The following AK9 variants were observed in gnomAD, a reference collection of about 807,000 sequenced individuals.
The protein encoded by AK9 is adenylate kinase domain containing 1.
Under a neutral mutation model 239.6 loss-of-function variants are expected in AK9, and 191 were observed. That is an observed-to-expected ratio of 0.80 (90% CI 0.71 to 0.90). The LOEUF (loss-of-function observed/expected upper bound fraction) is 0.90, where lower values mean the gene tolerates loss of function less well. Ranked by LOEUF, AK9 falls within the 40% of genes least tolerant of loss-of-function variation. The pLI is 0.00. For synonymous variants in AK9, 689 were observed against 721.0 expected (o/e 0.96, Z 0.71); for missense variants, 1,995 against 2,214.7 (o/e 0.90, Z 1.99).
At chr6:109,606,589 C>T (rs1792914661) in intron 17 of AK9, among the ~76,000 whole-genome samples, 1 of 152,130 alleles carries the variant, frequency 6.6e-6, no homozygotes, top group African/African-American at 2.4e-5. Context: ...AGGTTTGACA[C>T]AAAAGGCCCA....
At chr6:109,533,582 C>A in intron 27 of AK9, 112 bp from the exon 28 acceptor site, 1 of 743,414 alleles carries the variant, frequency 1.3e-6, no homozygotes, top group Non-Finnish European at 2.0e-6. Flanking sequence ...ATCATTACAC[C>A]TTGAATATAT....
intron 25 of AK9, 108 bp from the exon 26 acceptor site, chr6:109,546,235 T>C: frequency 9.7e-7 from 1 of 1,029,490 alleles, no homozygotes; most frequent in East Asian, 2.4e-5. Context: ...CTCCCTAAGA[T>C]GGGGTAGGAA....
intron 32 of AK9, among the ~76,000 whole-genome samples, chr6:109,511,370 T>C (rs1215024775): frequency 6.6e-6 from 1 of 152,222 alleles, no homozygotes; most frequent in Non-Finnish European, 1.5e-5. Flanking sequence ...ACTTACAGCC[T>C]ATGAGGAATT....
chr6:109,568,129 C>T (rs1786857309), intron 21 of AK9, among the ~76,000 whole-genome samples: 2 of 152,070 alleles, frequency 1.3e-5, no homozygotes, highest in African/African-American at 4.8e-5. Flanking sequence ...TCAACATACA[C>T]AAATCAATAA....
chr6:109,636,643 A>T (rs1796741926), intron 10 of AK9, among the ~76,000 whole-genome samples: 1 of 150,060 alleles, frequency 6.7e-6, no homozygotes, highest in African/African-American at 2.5e-5. Context: ...AAGTGGAATC[A>T]TATGTTTGCC....
At chr6:109,527,380 A>C (rs1384656896) in intron 29 of AK9, among the ~76,000 whole-genome samples, 1 of 152,184 alleles carries the variant, frequency 6.6e-6, no homozygotes, top group Non-Finnish European at 1.5e-5. Context: ...TGAAAAAGGC[A>C]AGTCACAGAA....
At chr6:109,534,600 A>G (rs1299216497) in intron 27 of AK9, among the ~76,000 whole-genome samples, 1 of 151,070 alleles carries the variant, frequency 6.6e-6, no homozygotes. Context: ...TAATATATAT[A>G]TATATTTTTA....
chr6:109,522,661 A>T (rs1284257294), intron 29 of AK9, among the ~76,000 whole-genome samples: 2 of 152,028 alleles, frequency 1.3e-5, no homozygotes, highest in Non-Finnish European at 2.9e-5. Flanking sequence ...ATATTTAATG[A>T]TGTTTCCTGG....
At chr6:109,607,734 A>C (rs928528932) in intron 17 of AK9, among the ~76,000 whole-genome samples, 1 of 151,600 alleles carries the variant, frequency 6.6e-6, no homozygotes, top group Non-Finnish European at 1.5e-5. Flanking sequence ...TATCTAATAG[A>C]TACAATGCAA....
chr6:109,568,985 CA>C (rs1346787542), intron 21 of AK9, among the ~76,000 whole-genome samples: 1 of 152,068 alleles, frequency 6.6e-6, no homozygotes, highest in African/African-American at 2.4e-5. Context: ...AATCCTAAGC[CA>C]AAAGAACAAA....
At chr6:109,689,900 GCTAA>G (rs1172787147) in intron 1 of AK9, among the ~76,000 whole-genome samples, 1 of 152,144 alleles carries the variant, frequency 6.6e-6, no homozygotes, top group Non-Finnish European at 1.5e-5. Flanking sequence ...ACAGAACACA[GCTAA>G]CTATTTTTCC....
At chr6:109,666,532 T>C (rs546758950) in intron 5 of AK9, among the ~76,000 whole-genome samples, 2 of 152,358 alleles carry the variant, frequency 1.3e-5, no homozygotes, top group East Asian at 3.9e-4. Context: ...AGGTGCTTTG[T>C]AGGCCATTGC....
chr6:109,614,027 G>T (rs953800035), intron 15 of AK9, among the ~76,000 whole-genome samples, 156 bp downstream of exon 15: 1 of 152,100 alleles, frequency 6.6e-6, no homozygotes, highest in Non-Finnish European at 1.5e-5. Context: ...CTGTTCTACA[G>T]TTGTTCAGGT....
chr6:109,653,495 T>C (rs1799264677), intron 8 of AK9, among the ~76,000 whole-genome samples: 1 of 152,234 alleles, frequency 6.6e-6, no homozygotes, highest in South Asian at 2.1e-4. Flanking sequence ...TTTTGGATTG[T>C]TTCCTTTCTC....
chr6:109,655,015 T>C (rs2128309165), intron 8 of AK9, among the ~76,000 whole-genome samples: 1 of 152,326 alleles, frequency 6.6e-6, no homozygotes, highest in East Asian at 1.9e-4. Context: ...GCAAGTGTCA[T>C]CTAGGCCTAA....
rs557307517 is a variant in AK9, at chr6:109,670,683, T to C, written c.331+1236A>G. Among the ~76,000 whole-genome samples, 18 of 152,262 alleles carry C rather than the reference T, an allele frequency of 1.2e-4. No individual in the cohort carries two copies. The East Asian group carries it at 2.9e-3, about 25-fold the overall frequency. ...AAACCAATTTAAGTTTTTCAAGAGG[T>C]AAGTGAGGTTAACAAATAGGTATTT... On this transcript the variant is annotated intron_variant, in intron 5 of 40. Transcript: ENST00000424296.
intron 1 of AK9, among the ~76,000 whole-genome samples, chr6:109,687,864 G>A (rs1406491639): frequency 1.3e-5 from 2 of 152,208 alleles, no homozygotes; most frequent in South Asian, 2.1e-4. Context: ...GTAAGTGGAT[G>A]TAAAATACAT....
intron 1 of AK9, among the ~76,000 whole-genome samples, chr6:109,682,426 C>CAAAAAAAAAAAAAAAAA (rs57215335): frequency 4.4e-5 from 3 of 68,526 alleles, no homozygotes; most frequent in African/African-American, 6.4e-5. Context: ...GACTCCGTCT[C>CAAAAAAAAAAAAAAAAA]AAAAAAAAAA....
At chr6:109,630,379 T>A (rs1795985559) in intron 12 of AK9, among the ~76,000 whole-genome samples, 1 of 152,174 alleles carries the variant, frequency 6.6e-6, no homozygotes, top group Non-Finnish European at 1.5e-5. Context: ...CTAGTTAAAA[T>A]CTCAAAAGAT....
Sources: allele counts gnomAD v4.1 joint callset (sites outside exome capture counted in the v4.1 genomes callset), GRCh38; gene constraint gnomAD v4.1.1; transcripts MANE v1.5; gene names NCBI Gene and HGNC (gene_info 2026-07-23, HGNC 2026-07-21).